ANK3: variants seen among roughly 807,000 people sequenced by gnomAD.
ANK3 encodes ankyrin 3.
Under a neutral mutation model 370.9 loss-of-function variants are expected in ANK3, and 57 were observed. That is an observed-to-expected ratio of 0.15 (90% CI 0.12 to 0.19). ANK3 has a LOEUF of 0.19. ANK3 is among the 10% of genes least tolerant of loss of function. The probability of loss-of-function intolerance (pLI) is 1.00; values close to 1 mark genes in which losing one functional copy is unlikely to be tolerated. For missense variants in ANK3, 4,439 were observed against 5,302.1 expected (o/e 0.84, Z 5.06); for synonymous variants, 1,929 against 1,946.3 (o/e 0.99, Z 0.23).
chr10:60,614,371 T>A lies in ANK3; in HGVS notation c.96+815A>T, dbSNP rs571064731. On this transcript the variant is annotated intron_variant, in intron 2 of 43. Coordinates refer to the ANK3 transcript ENST00000373827. ...TATGGCACCAAGTTAAACGTTTTGTTTCAATAAATTCTCACAATAAACTTA... is the reference window on the plus strand; with the variant it reads ...TATGGCACCAAGTTAAACGTTTTGTATCAATAAATTCTCACAATAAACTTA... Among the ~76,000 whole-genome samples, 4 of 152,288 alleles carry A rather than the reference T, an allele frequency of 2.6e-5. No homozygotes were observed. The South Asian group carries it at 6.2e-4, about 24-fold the overall frequency.
At chr10:60,111,812 A>G (rs1330744362) in intron 26 of ANK3, 9 of 448,740 alleles carry the variant, frequency 2.0e-5, no homozygotes, top group Non-Finnish European at 3.1e-5. Context: ...AATGTAATAT[A>G]ATTAGAAGCA....
intron 1 of ANK3, among the ~76,000 whole-genome samples, chr10:60,334,691 A>G (rs1446276070): frequency 6.6e-6 from 1 of 152,160 alleles, no homozygotes; most frequent in Non-Finnish European, 1.5e-5. Flanking sequence ...AATTTTTCTT[A>G]GCTAAAAAAA....
chr10:60,505,286 A>C (rs573981595), intron 2 of ANK3, among the ~76,000 whole-genome samples: 1 of 152,054 alleles, frequency 6.6e-6, no homozygotes, highest in South Asian at 2.1e-4. Flanking sequence ...TATAAAATGC[A>C]TGACCTTTAA....
intron 12 of ANK3, among the ~76,000 whole-genome samples, chr10:60,200,444 A>G (rs556270058): frequency 1.6e-4 from 25 of 152,306 alleles, no homozygotes; most frequent in African/African-American, 5.8e-4. Context: ...CTTGTCACCC[A>G]CTGTGCCAGG....
chr10:60,141,475 C>T (rs2094552497), intron 23 of ANK3, among the ~76,000 whole-genome samples: 1 of 151,228 alleles, frequency 6.6e-6, no homozygotes, highest in African/African-American at 2.4e-5. Flanking sequence ...GCTGCTCCAC[C>T]CTGTTTATGT....
intron 1 of ANK3, among the ~76,000 whole-genome samples, chr10:60,326,228 GA>G (rs1174915091): frequency 3.3e-5 from 5 of 152,096 alleles, no homozygotes; most frequent in African/African-American, 9.7e-5. Flanking sequence ...AAACCCCCAT[GA>G]CACAAGTTTA....
chr10:60,254,657 T>C (rs1197144273), intron 7 of ANK3, among the ~76,000 whole-genome samples: 1 of 152,224 alleles, frequency 6.6e-6, no homozygotes, highest in Non-Finnish European at 1.5e-5. Context: ...CAAATAAACT[T>C]GCCCCTCTGC....
chr10:60,158,677 C>CT (rs1555028623), intron 23 of ANK3, among the ~76,000 whole-genome samples: 1 of 49,302 alleles, frequency 2.0e-5, no homozygotes, highest in South Asian at 8.1e-4. Context: ...AGAGAAAGCA[C>CT]TTTTTTTCTT....
chr10:60,377,284 AT>A (rs2060915833), intron 1 of ANK3, among the ~76,000 whole-genome samples: 1 of 152,228 alleles, frequency 6.6e-6, no homozygotes, highest in South Asian at 2.1e-4. Context: ...GGTAGCAGAT[AT>A]GTGGCCAGGA....
intron 25 of ANK3, among the ~76,000 whole-genome samples, chr10:60,114,932 TGCAAAC>T (rs2092980617): frequency 6.6e-6 from 1 of 152,178 alleles, no homozygotes; most frequent in Non-Finnish European, 1.5e-5. Flanking sequence ...CAGTTACCAG[TGCAAAC>T]AGATTTGTAC....
At chr10:60,242,246 A>G (rs975070147) in intron 7 of ANK3, among the ~76,000 whole-genome samples, 1 of 152,210 alleles carries the variant, frequency 6.6e-6, no homozygotes, top group African/African-American at 2.4e-5. Flanking sequence ...GAAGCAAATC[A>G]CCCAGAACAA....
intron 1 of ANK3, among the ~76,000 whole-genome samples, chr10:60,378,619 G>A (rs1440645340): frequency 6.6e-6 from 1 of 152,046 alleles, no homozygotes; most frequent in African/African-American, 2.4e-5. Flanking sequence ...TCAATAATTG[G>A]TGCTGGGAAA....
Position 60,153,933 on chromosome 10 carries a change from A to C in ANK3, c.2614+12658T>G, listed in dbSNP as rs535378175. Among the ~76,000 whole-genome samples the C allele has an allele frequency of 2.0e-5, 3 of 152,312 alleles. No homozygotes were observed. The South Asian group carries it at 6.2e-4, about 32-fold the overall frequency. Reference sequence around the variant, plus strand: ...TCTTGCTTCATCTCAGAAACCTGCTAAACTATCCCTTGAGTATGACTTCAT... The same window carrying C: ...TCTTGCTTCATCTCAGAAACCTGCTCAACTATCCCTTGAGTATGACTTCAT... On this transcript the variant is annotated intron_variant, in intron 23 of 43. Coordinates refer to ENST00000280772, the MANE Select transcript of ANK3 (RefSeq NM_020987.5).
chr10:60,331,256 A>G (rs1395421705), intron 1 of ANK3, among the ~76,000 whole-genome samples: 1 of 112,338 alleles, frequency 8.9e-6, no homozygotes, highest in Non-Finnish European at 2.0e-5. Flanking sequence ...CTTAGAACTT[A>G]AAGTATAATA....
At chr10:60,155,932 C>T (rs1460504048) in intron 23 of ANK3, among the ~76,000 whole-genome samples, 1 of 152,212 alleles carries the variant, frequency 6.6e-6, no homozygotes, top group Non-Finnish European at 1.5e-5. Flanking sequence ...GGTTTTCCTA[C>T]TTTTGAGGTT....
At chr10:60,637,183 A>G (rs909445207) in intron 1 of ANK3, among the ~76,000 whole-genome samples, 1 of 152,160 alleles carries the variant, frequency 6.6e-6, no homozygotes, top group African/African-American at 2.4e-5. Flanking sequence ...GAAAAACTTT[A>G]CAGGTTCTTC....
chr10:60,374,375 C>T (rs573573083), intron 1 of ANK3, among the ~76,000 whole-genome samples: 4 of 152,200 alleles, frequency 2.6e-5, no homozygotes, highest in South Asian at 2.1e-4. Flanking sequence ...GAAAGAAATT[C>T]CTTCCAGCTG....
chr10:60,153,299 GAGA>G (rs2132255456), intron 23 of ANK3, among the ~76,000 whole-genome samples: 1 of 152,340 alleles, frequency 6.6e-6, no homozygotes, highest in East Asian at 1.9e-4. Flanking sequence ...TACTGGGTAA[GAGA>G]AGAACTGGAG....
intron 2 of ANK3, among the ~76,000 whole-genome samples, chr10:60,449,745 C>T (rs2064547333): frequency 6.6e-6 from 1 of 152,134 alleles, no homozygotes; most frequent in Non-Finnish European, 1.5e-5. Flanking sequence ...TTTATTTACC[C>T]TAATCTATTT....
Sources: allele counts gnomAD v4.1 joint callset (sites outside exome capture counted in the v4.1 genomes callset), GRCh38; gene constraint gnomAD v4.1.1; transcripts MANE v1.5; gene names NCBI Gene and HGNC (gene_info 2026-07-23, HGNC 2026-07-21).